Variants in NALF1 observed in about 807,000 individuals in gnomAD.
The protein encoded by NALF1 is family with sequence similarity 155 member A.
NALF1 carries 3 observed loss-of-function variants against 48.4 expected under a neutral mutation model. The observed-to-expected ratio is 0.06, with a 90% confidence interval of 0.03 to 0.16. The LOEUF (loss-of-function observed/expected upper bound fraction) is 0.16, where lower values mean the gene tolerates loss of function less well. NALF1 is among the 10% of genes least tolerant of loss of function. The pLI is 1.00. For missense variants in NALF1, 526 were observed against 571.5 expected, an observed-to-expected ratio of 0.92 and a Z score of 0.81; for synonymous variants, 262 against 245.7, an observed-to-expected ratio of 1.07 and a Z score of -0.62.
In NALF1 at chr13:107,779,199, G is replaced by C. The variant is rs76889013; in HGVS notation, c.915+86483C>G. ...CATTATGTTGATCTAAATAAGGGAT[G>C]GATGTGTTTACACCTGCATTCTTAT... On this transcript the variant is annotated intron_variant, in intron 1 of 2. Transcript: ENST00000375915. Among the ~76,000 whole-genome samples, 677 of 152,240 alleles carry C rather than the reference G, an allele frequency of 4.4e-3. 9 individuals carry two copies. The highest frequency in any genetic ancestry group is 0.015 in the African/African-American group (637 of 41,552).
intron 1 of NALF1, among the ~76,000 whole-genome samples, chr13:107,343,074 A>G (rs967749270): frequency 6.6e-6 from 1 of 152,180 alleles, no homozygotes; most frequent in African/African-American, 2.4e-5. Flanking sequence ...AGCAAAATAC[A>G]CATTTTTCTT....
chr13:107,762,878 T>G (rs1877306840), intron 1 of NALF1, among the ~76,000 whole-genome samples: 1 of 152,142 alleles, frequency 6.6e-6, no homozygotes, highest in African/African-American at 2.4e-5. Flanking sequence ...TCTTAAAAAT[T>G]GTGTTAAGAA....
intron 1 of NALF1, among the ~76,000 whole-genome samples, chr13:107,606,391 A>G (rs1343580888): frequency 6.6e-6 from 1 of 151,736 alleles, no homozygotes; most frequent in African/African-American, 2.4e-5. Flanking sequence ...TTTGAGATGG[A>G]GTCTTGCTCT....
At chr13:107,406,028 C>T (rs1025910628) in intron 1 of NALF1, among the ~76,000 whole-genome samples, 2 of 152,024 alleles carry the variant, frequency 1.3e-5, no homozygotes, top group African/African-American at 4.8e-5. Context: ...TGGTGCCTAT[C>T]TCTCAGACGA....
intron 1 of NALF1, among the ~76,000 whole-genome samples, chr13:107,632,567 C>A (rs1240277675): frequency 6.6e-6 from 1 of 152,116 alleles, no homozygotes; most frequent in Admixed American, 6.6e-5. Context: ...TTCTGTCCCA[C>A]CTTTTAATGG....
At chr13:107,443,951 T>G (rs1317686630) in intron 1 of NALF1, among the ~76,000 whole-genome samples, 1 of 152,220 alleles carries the variant, frequency 6.6e-6, no homozygotes, top group Non-Finnish European at 1.5e-5. Context: ...TTTTCAGTGT[T>G]CATATTAATC....
At chr13:107,684,082 C>T (rs1029603838) in intron 1 of NALF1, among the ~76,000 whole-genome samples, 1 of 152,224 alleles carries the variant, frequency 6.6e-6, no homozygotes, top group African/African-American at 2.4e-5. Flanking sequence ...CCACAGCCCT[C>T]CTGACATTCC....
chr13:107,803,830 G>A (rs921814491), intron 1 of NALF1, among the ~76,000 whole-genome samples: 3 of 152,040 alleles, frequency 2.0e-5, no homozygotes, highest in Non-Finnish European at 2.9e-5. Flanking sequence ...TGGTTTCAGA[G>A]GAGGCAGTGC....
intron 1 of NALF1, among the ~76,000 whole-genome samples, chr13:107,553,624 T>A (rs1490029611): frequency 6.6e-6 from 1 of 152,218 alleles, no homozygotes; most frequent in Non-Finnish European, 1.5e-5. Context: ...GTCATATCAA[T>A]AAAATCTCAC....
At chr13:107,787,485 T>A (rs753767988) in intron 1 of NALF1, among the ~76,000 whole-genome samples, 6 of 152,178 alleles carry the variant, frequency 3.9e-5, no homozygotes, top group Non-Finnish European at 8.8e-5. Context: ...AGTTTATGGG[T>A]CTATAGTTTT....
At chr13:107,475,680 A>C (rs1885167211) in intron 1 of NALF1, among the ~76,000 whole-genome samples, 1 of 152,230 alleles carries the variant, frequency 6.6e-6, no homozygotes, top group South Asian at 2.1e-4. Context: ...AAAACTAGGC[A>C]TAATTATAGC....
At chr13:107,259,029 G>A (rs1258706643) in intron 1 of NALF1, among the ~76,000 whole-genome samples, 1 of 152,000 alleles carries the variant, frequency 6.6e-6, no homozygotes, top group Non-Finnish European at 1.5e-5. Flanking sequence ...CTCATTGATT[G>A]TCACATGTTT....
At chr13:107,308,764 A>T (rs1881989899) in intron 1 of NALF1, among the ~76,000 whole-genome samples, 2 of 152,250 alleles carry the variant, frequency 1.3e-5, no homozygotes, top group Non-Finnish European at 2.9e-5. Flanking sequence ...TCAATCCTGA[A>T]TATGAAAACT....
chr13:107,261,264 C>A (rs1295138440), intron 1 of NALF1, among the ~76,000 whole-genome samples: 1 of 152,142 alleles, frequency 6.6e-6, no homozygotes, highest in African/African-American at 2.4e-5. Flanking sequence ...TTTACCTTCC[C>A]TCTGCTCTTA....
intron 1 of NALF1, among the ~76,000 whole-genome samples, chr13:107,547,141 TAAACAG>T (rs1877156325): frequency 6.6e-6 from 1 of 152,206 alleles, no homozygotes; most frequent in South Asian, 2.1e-4. Flanking sequence ...TCACAATATA[TAAACAG>T]AAAGTACAAA....
chr13:107,470,469 G>T (rs530826714), intron 1 of NALF1, among the ~76,000 whole-genome samples: 1 of 152,290 alleles, frequency 6.6e-6, no homozygotes, highest in South Asian at 2.1e-4. Flanking sequence ...AAGTCACGAA[G>T]TTTTCTTTGC....
At chr13:107,270,865 C>T (rs1881151008) in intron 1 of NALF1, among the ~76,000 whole-genome samples, 1 of 149,028 alleles carries the variant, frequency 6.7e-6, no homozygotes, top group Admixed American at 6.7e-5. Flanking sequence ...CTTCCTGTGT[C>T]CATGTGTTCT....
chr13:107,376,642 T>C (rs187247963), intron 1 of NALF1, among the ~76,000 whole-genome samples: 2 of 152,328 alleles, frequency 1.3e-5, no homozygotes, highest in East Asian at 1.9e-4. Flanking sequence ...CCACGAATTA[T>C]GTCCAGTATT....
At chr13:107,203,604 C>T (rs1029424584) in intron 2 of NALF1, among the ~76,000 whole-genome samples, 4 of 126,172 alleles carry the variant, frequency 3.2e-5, no homozygotes, top group African/African-American at 1.1e-4. Context: ...GTGCTGTGCT[C>T]CATCCCCGTG....
Sources: allele counts gnomAD v4.1 joint callset (sites outside exome capture counted in the v4.1 genomes callset), GRCh38; gene constraint gnomAD v4.1.1; transcripts MANE v1.5; gene names NCBI Gene and HGNC (gene_info 2026-07-23, HGNC 2026-07-21).